SPTBN2: variants seen among roughly 807,000 people sequenced by gnomAD.
SPTBN2 encodes spectrin beta, non-erythrocytic 2.
In SPTBN2, 107 loss-of-function variants were observed where a neutral mutation model predicts 284.2. That is an observed-to-expected ratio of 0.38 (90% CI 0.32 to 0.44). The LOEUF is 0.44. Among genes scored for constraint, SPTBN2 ranks in the 20% least tolerant of loss-of-function variants. SPTBN2 has a pLI of 1.00. For missense variants in SPTBN2, 2,569 were observed against 3,287.1 expected, an observed-to-expected ratio of 0.78 and a Z score of 5.34; for synonymous variants, 1,289 against 1,354.8, an observed-to-expected ratio of 0.95 and a Z score of 1.07.
chr11:66,736,905 A>C (rs886828704), intron 1 of SPTBN2, among the ~76,000 whole-genome samples: 1 of 152,238 alleles, frequency 6.6e-6, no homozygotes, highest in African/African-American at 2.4e-5. Flanking sequence ...TGAAACTTCC[A>C]GGGTGTGAAG....
chr11:66,693,532 C>T lies in SPTBN2; in HGVS notation c.4594-86G>A, dbSNP rs1244318896. ...GAGACCACCCTTCACCCCTGTGCCT[C>T]TCTCCTTCCTGGGTCCTCTGCTCCC... is the stretch of plus-strand genomic sequence containing the variant. On this transcript the variant is annotated intron_variant, in intron 23 of 37. Coordinates refer to ENST00000533211, the MANE Select transcript of SPTBN2 (RefSeq NM_006946.4). This position sits in a 1 kb window ranked among gnomAD's most constrained non-coding sequence, Gnocchi z 5.7. 4.6e-6 allele frequency: 7 copies of T among 1,537,954 alleles called. No individual in the cohort carries two copies. Among genetic ancestry groups the T allele is most frequent in the African/African-American group, 1.4e-5 (1 of 73,140 alleles).
rs1942396658 is a variant in SPTBN2 at position 66,721,388 on chromosome 11, G to C, written c.-61C>G. ...TCCTTGTGGCCAGAGGCTGCGGTTGGCTGCTCAGTGGAAATCAGCCCCCAG... is the reference window on the plus strand; with the variant it reads ...TCCTTGTGGCCAGAGGCTGCGGTTGCCTGCTCAGTGGAAATCAGCCCCCAG... On this transcript the variant is annotated 5_prime_UTR_variant, in exon 2 of 38. Coordinates refer to ENST00000533211, the MANE Select transcript of SPTBN2 (RefSeq NM_006946.4). 1 of 1,129,888 alleles carries C rather than the reference G, an allele frequency of 8.9e-7. No homozygotes were observed. The highest frequency in any genetic ancestry group is 2.4e-5 in the East Asian group (1 of 40,968). The allele number at this position is 1,129,888 out of a possible 1,614,324, so 70.0% of individuals were successfully genotyped here. A position where few individuals can be genotyped will look rare whatever the true frequency, so the allele number is the denominator to read the frequency against.
intron 8 of SPTBN2, chr11:66,712,953 C>T (rs1941952162): frequency 6.5e-6 from 1 of 153,868 alleles, no homozygotes; most frequent in Non-Finnish European, 1.4e-5. Context: ...TCAAGTGATC[C>T]TCTCGCCTCA....
intron 1 of SPTBN2, among the ~76,000 whole-genome samples, chr11:66,723,268 A>C (rs942989736): frequency 4.6e-4 from 70 of 151,958 alleles, no homozygotes; most frequent in Non-Finnish European, 1.3e-4. Context: ...AGCATTCAAG[A>C]GAGGAGGAGG....
Position 66,705,482 on chromosome 11 carries a change from A to G in SPTBN2, c.1808-14T>C. The G allele has an allele frequency of 1.9e-6, 3 of 1,612,916 alleles. No homozygotes were observed. Among genetic ancestry groups the G allele is most frequent in the Middle Eastern group, 3.3e-4 (2 of 6,058 alleles). ...AAGGTCTATACTCTGAGAAAGTCAC[A>G]GGAGAGGGTCAGAGCCTTAACCCAG... is the stretch of plus-strand genomic sequence containing the variant. On this transcript the variant is annotated splice_polypyrimidine_tract_variant and intron_variant, in intron 14 of 37. Transcript: ENST00000533211.
Position 66,707,864 on chromosome 11 carries a change from G to A in SPTBN2, c.1351-46C>T. On this transcript the variant is annotated intron_variant, in intron 12 of 37. Coordinates refer to ENST00000533211, the MANE Select transcript of SPTBN2 (RefSeq NM_006946.4). This position sits in a 1 kb window ranked among gnomAD's most constrained non-coding sequence, Gnocchi z 4.9. ...GGAGGTGTGGGGACCAAGGGACAGT[G>A]CCTCTGCCTGCTCCTCTGTCCTGCA... The A allele has an allele frequency of 6.3e-7, 1 of 1,595,184 alleles. No individual in the cohort carries two copies. Among genetic ancestry groups the A allele is most frequent in the Non-Finnish European group, 8.5e-7 (1 of 1,175,376 alleles).
Position 66,687,480 on chromosome 11 carries a change from C to T in SPTBN2, c.6669G>A (p.Gly2223=), listed in dbSNP as rs138819654. ...PEPSAQEQME[G]MLCRKQEMEA... ...CCATCTCCTGCTTGCGGCACAGCATCCCCTCCATCTGCTCCTGGGCAGATG... is the reference window on the plus strand; with the variant it reads ...CCATCTCCTGCTTGCGGCACAGCATTCCCTCCATCTGCTCCTGGGCAGATG... Residue 2223 remains glycine (G), a synonymous_variant, in exon 35 of 38, where the codon GGG becomes GGA. Coordinates refer to ENST00000533211, the MANE Select transcript of SPTBN2 (RefSeq NM_006946.4). This position sits in a 1 kb window ranked among gnomAD's most constrained non-coding sequence, Gnocchi z 5.2. The T allele has an allele frequency of 9.5e-4, 1,534 of 1,610,778 alleles. 11 individuals are homozygous for T. The African/African-American group carries it at 0.017, about 18-fold the overall frequency.
At position 66,690,304 on chromosome 11, in the gene SPTBN2, G is replaced by A. The variant is rs755630220; in HGVS notation, c.5566-21C>T. 7.6e-6 allele frequency: 12 copies of A among 1,589,188 alleles called. 1 individual carries two copies. Among genetic ancestry groups the A allele is most frequent in the South Asian group, 2.2e-5 (2 of 89,180 alleles). On this transcript the variant is annotated intron_variant, in intron 27 of 37. Coordinates refer to ENST00000533211, the MANE Select transcript of SPTBN2 (RefSeq NM_006946.4). ...TGGACCTGCGGAGCCCCGGGTCAGA[G>A]TCAGGCAGAGCGGGGGACTCCAAGG...
At chr11:66,686,836 T>G in intron 36 of SPTBN2, 158 bp downstream of exon 36, 1 of 941,892 alleles carries the variant, frequency 1.1e-6, no homozygotes, top group South Asian at 1.5e-5. Flanking sequence ...ACAACCAGAA[T>G]CTCCGCCTCC....
chr11:66,689,451 T>G (rs977248721), intron 29 of SPTBN2: 29 of 528,566 alleles, frequency 5.5e-5, no homozygotes, highest in Non-Finnish European at 9.5e-5. Flanking sequence ...TTTTTGTGTT[T>G]TTAGTGGAAA....
At chr11:66,725,700 T>C (rs901640611) in intron 1 of SPTBN2, among the ~76,000 whole-genome samples, 8 of 152,196 alleles carry the variant, frequency 5.3e-5, no homozygotes, top group African/African-American at 1.9e-4. Context: ...TAGCTTACAC[T>C]GTTAGTGCTA....
At position 66,685,839 on chromosome 11, in the gene SPTBN2, G is replaced by T; in HGVS notation, c.*32C>A. The T allele has an allele frequency of 1.3e-6, 2 of 1,599,236 alleles. No homozygotes were observed. The highest frequency in any genetic ancestry group is 2.2e-5 in the South Asian group (2 of 90,632). On this transcript the variant is annotated 3_prime_UTR_variant, in exon 38 of 38. Coordinates refer to ENST00000533211, the MANE Select transcript of SPTBN2 (RefSeq NM_006946.4). This position sits in a 1 kb window ranked among gnomAD's most constrained non-coding sequence, Gnocchi z 4.4. Reference sequence around the variant, plus strand: ...TGTCCCTGGCAGTTTCCTGAACGGAGGGAGGGAGTTGGCCTGGGACCTTGC... The same window carrying T: ...TGTCCCTGGCAGTTTCCTGAACGGATGGAGGGAGTTGGCCTGGGACCTTGC...
intron 25 of SPTBN2, 91 bp from the exon 26 acceptor site, chr11:66,692,831 C>T: frequency 6.3e-7 from 1 of 1,596,312 alleles, no homozygotes; most frequent in Non-Finnish European, 8.5e-7. Flanking sequence ...TCTGAGTCTC[C>T]CAACAGCTCG....
chr11:66,689,235 G>A (rs769744607), intron 29 of SPTBN2, 55 bp from the exon 30 acceptor site: 12 of 1,551,590 alleles, frequency 7.7e-6, no homozygotes, highest in African/African-American at 1.4e-5. Flanking sequence ...ATCTTTCCAC[G>A]GCCCCTGGGG....
At chr11:66,701,319 C>G (rs1275781087) in intron 16 of SPTBN2, 37 bp from the exon 17 acceptor site, 3 of 1,607,400 alleles carry the variant, frequency 1.9e-6, no homozygotes, top group Non-Finnish European at 8.5e-7. Context: ...CCTGCCCTGG[C>G]CAGGCCTGTT....
rs904895404 is a variant in SPTBN2, at chr11:66,715,448, C to T, written c.310-53G>A. The T allele has an allele frequency of 6.4e-7, 1 of 1,571,404 alleles. No individual in the cohort carries two copies. The highest frequency in any genetic ancestry group is 8.7e-7 in the Non-Finnish European group (1 of 1,155,870). ...CGGGACTGTGGGCTTCCACCTTCTT[C>T]CCCAGCCTTCACAGGGCCCAGCTTT... On this transcript the variant is annotated intron_variant, in intron 4 of 37. Coordinates refer to ENST00000533211, the MANE Select transcript of SPTBN2 (RefSeq NM_006946.4). This position sits in a 1 kb window ranked among gnomAD's most constrained non-coding sequence, Gnocchi z 5.3.
At position 66,688,094 on chromosome 11, in the gene SPTBN2, G is replaced by C; in HGVS notation, c.6375-15C>G. Reference sequence around the variant, plus strand: ...GTGGCTGGGTTCTGGGATGACCAAAGGCAACACAGAATCATTAGTCCCTGG... The same window carrying C: ...GTGGCTGGGTTCTGGGATGACCAAACGCAACACAGAATCATTAGTCCCTGG... On this transcript the variant is annotated splice_polypyrimidine_tract_variant and intron_variant, in intron 32 of 37. Transcript: ENST00000533211. The C allele has an allele frequency of 6.2e-7, 1 of 1,613,968 alleles. No individual in the cohort carries two copies. The highest frequency in any genetic ancestry group is 8.5e-7 in the Non-Finnish European group (1 of 1,180,014).
rs1356387844 is a variant in SPTBN2, at chr11:66,683,462, C to G, written c.*2409G>C. ...CTAACTTGTCTCATAGCCCTCACCG[C>G]CCCATTCCATCCTGTTGTCTTTCCT... On this transcript the variant is annotated 3_prime_UTR_variant, in exon 38 of 38. Transcript: ENST00000533211. Among the ~76,000 whole-genome samples the G allele has an allele frequency of 1.3e-5, 2 of 152,216 alleles. No individual in the cohort carries two copies. Among genetic ancestry groups the G allele is most frequent in the Non-Finnish European group, 2.9e-5 (2 of 68,046 alleles).
In SPTBN2 at chr11:66,704,786, C is replaced by A; in HGVS notation, c.2490G>T (p.Leu830=). ...CCTGCAGCTCCTCGTAGTGCCGCTCCAGGGTGGGCACCCGGCTCTGCACCT... is the reference window on the plus strand; with the variant it reads ...CCTGCAGCTCCTCGTAGTGCCGCTCAAGGGTGGGCACCCGGCTCTGCACCT... ...TPEVQSRVPT[L]ERHYEELQAR... Residue 830 remains leucine (L), a synonymous_variant, in exon 15 of 38, where the codon CTG becomes CTT. Transcript: ENST00000533211. 6.2e-7 allele frequency: 1 copy of A among 1,604,250 alleles called. No individual in the cohort carries two copies. The highest frequency in any genetic ancestry group is 8.5e-7 in the Non-Finnish European group (1 of 1,177,510).
Sources: allele counts gnomAD v4.1 joint callset (sites outside exome capture counted in the v4.1 genomes callset), GRCh38; gene constraint gnomAD v4.1.1; non-coding constraint Gnocchi (gnomAD v3.1); transcripts MANE v1.5; gene names NCBI Gene and HGNC (gene_info 2026-07-23, HGNC 2026-07-21).